IQCK: variants seen among roughly 807,000 people sequenced by gnomAD.
IQCK encodes IQ motif containing K.
In IQCK, 29 loss-of-function variants were observed where a neutral mutation model predicts 28.1. That is an observed-to-expected ratio of 1.03 (90% CI 0.77 to 1.41). The LOEUF is 1.41. IQCK is among the 40% of genes most tolerant of loss of function. The pLI, the probability that IQCK is intolerant of heterozygous loss-of-function variation, is 0.00. For missense variants in IQCK, 359 were observed against 314.7 expected, an observed-to-expected ratio of 1.14 and a Z score of -1.07; for synonymous variants, 113 against 115.1, an observed-to-expected ratio of 0.98 and a Z score of 0.12.
downstream of IQCK, among the ~76,000 whole-genome samples, chr16:19,828,231 C>CTTTTTTTTTTTTT (rs749049124): frequency 9.3e-6 from 1 of 107,254 alleles, no homozygotes. Context: ...TCTTTCTTTT[C>CTTTTTTTTTTTTT]TTTTTTTTTT....
At chr16:19,751,983 A>G (rs1463828060) in intron 4 of IQCK, among the ~76,000 whole-genome samples, 1 of 152,232 alleles carries the variant, frequency 6.6e-6, no homozygotes, top group Non-Finnish European at 1.5e-5. Context: ...CAACTGTGCA[A>G]TTGTTAAAAT....
exon 10 of IQCK, chr16:19,857,126 A>G: frequency 4.9e-6 from 1 of 203,334 alleles, no homozygotes; most frequent in South Asian, 8.1e-5. Flanking sequence ...CCAAAGTATT[A>G]TATAGAAAGT....
At chr16:19,853,644 C>A (rs970828953) in intron 9 of IQCK, among the ~76,000 whole-genome samples, 13 of 151,988 alleles carry the variant, frequency 8.6e-5, no homozygotes, top group African/African-American at 3.1e-4. Context: ...CTCTCTTTTT[C>A]TTTTTTTGAG....
chr16:19,763,147 C>G (rs2055174662), intron 4 of IQCK, among the ~76,000 whole-genome samples: 1 of 151,906 alleles, frequency 6.6e-6, no homozygotes. Flanking sequence ...CTACTAATAC[C>G]CTACTACTAA....
intron 4 of IQCK, among the ~76,000 whole-genome samples, chr16:19,744,957 G>A (rs538120075): frequency 6.6e-6 from 1 of 152,188 alleles, no homozygotes; most frequent in African/African-American, 2.4e-5. Context: ...ACAAGCCAAA[G>A]GTAACAGAAT....
chr16:19,725,430 C>T (rs1441220695), intron 1 of IQCK, among the ~76,000 whole-genome samples: 1 of 152,174 alleles, frequency 6.6e-6, no homozygotes, highest in Non-Finnish European at 1.5e-5. Flanking sequence ...CTCCCGGGCT[C>T]CAACAATCTG....
At chr16:19,763,562 C>T (rs867810204) in intron 4 of IQCK, among the ~76,000 whole-genome samples, 20 of 152,192 alleles carry the variant, frequency 1.3e-4, no homozygotes, top group Admixed American at 3.9e-4. Context: ...CCTGCCTCAG[C>T]CTCCTGAGTA....
chr16:19,833,265 A>G (rs2056255138), intron 9 of IQCK, among the ~76,000 whole-genome samples: 1 of 152,198 alleles, frequency 6.6e-6, no homozygotes, highest in Non-Finnish European at 1.5e-5. Context: ...TCTTAGGAAA[A>G]CCTGCCAAAG....
At chr16:19,749,925 A>T (rs1410122168) in intron 4 of IQCK, among the ~76,000 whole-genome samples, 1 of 152,162 alleles carries the variant, frequency 6.6e-6, no homozygotes, top group Non-Finnish European at 1.5e-5. Context: ...GAGGCACTAC[A>T]GTGTAAGGGA....
intron 4 of IQCK, among the ~76,000 whole-genome samples, chr16:19,745,004 G>A (rs2054888629): frequency 1.3e-5 from 2 of 152,192 alleles, no homozygotes; most frequent in South Asian, 4.1e-4. Flanking sequence ...GCCAATAAGT[G>A]AAGAATCACA....
At chr16:19,809,860 C>A (rs1269380602) in intron 7 of IQCK, among the ~76,000 whole-genome samples, 3 of 152,124 alleles carry the variant, frequency 2.0e-5, no homozygotes, top group Admixed American at 6.5e-5. Flanking sequence ...CAAACAAGTT[C>A]TCAGGTGATG....
intron 7 of IQCK, among the ~76,000 whole-genome samples, chr16:19,817,613 C>T (rs1379002664): frequency 6.6e-6 from 1 of 152,108 alleles, no homozygotes; most frequent in Non-Finnish European, 1.5e-5. Flanking sequence ...ATGGATGTTT[C>T]TGTTTTTGTT....
intron 6 of IQCK, among the ~76,000 whole-genome samples, chr16:19,780,814 A>G (rs1239183836): frequency 6.6e-6 from 1 of 152,224 alleles, no homozygotes; most frequent in Non-Finnish European, 1.5e-5. Context: ...TTGGCCTGCT[A>G]TTAGCTCTTG....
At chr16:19,770,945 AT>A (rs1434348147) in intron 6 of IQCK, among the ~76,000 whole-genome samples, 3 of 152,096 alleles carry the variant, frequency 2.0e-5, no homozygotes, top group Non-Finnish European at 2.9e-5. Context: ...TTTTGCCTCC[AT>A]CTTCCACTTT....
intron 6 of IQCK, among the ~76,000 whole-genome samples, chr16:19,778,413 T>C (rs1035013237): frequency 6.6e-6 from 1 of 152,128 alleles, no homozygotes; most frequent in Non-Finnish European, 1.5e-5. Flanking sequence ...CCCAGCACTT[T>C]GGGAGGCCGA....
At chr16:19,760,255 G>A (rs11647001) in intron 4 of IQCK, among the ~76,000 whole-genome samples, 24,706 of 152,214 alleles carry the variant, frequency 0.16, 2,155 homozygotes, top group South Asian at 0.26. Context: ...AAAAGTCTCT[G>A]TTTCAAATAA....
At chr16:19,774,259 A>G (rs900672091) in intron 6 of IQCK, among the ~76,000 whole-genome samples, 1 of 152,134 alleles carries the variant, frequency 6.6e-6, no homozygotes, top group African/African-American at 2.4e-5. Flanking sequence ...CAGTTTTTCC[A>G]TCTGAAAAAT....
At chr16:19,736,305 C>T (rs984138377) in intron 4 of IQCK, 7 of 387,092 alleles carry the variant, frequency 1.8e-5, no homozygotes, top group African/African-American at 1.0e-4. Flanking sequence ...GCTCTGTTTT[C>T]AGGCTGGGGT....
intron 3 of IQCK, chr16:19,734,144 G>A (rs113377487): frequency 1.9e-5 from 4 of 208,062 alleles, no homozygotes; most frequent in African/African-American, 9.3e-5. Flanking sequence ...AGAGACCAAG[G>A]CAGGAGGATT....
Sources: allele counts gnomAD v4.1 joint callset (sites outside exome capture counted in the v4.1 genomes callset), GRCh38; gene constraint gnomAD v4.1.1; transcripts MANE v1.5; gene names NCBI Gene and HGNC (gene_info 2026-07-23, HGNC 2026-07-21).